The following CALD1 variants were observed in gnomAD, a reference collection of about 807,000 sequenced individuals.
CALD1 encodes the protein caldesmon.
CALD1 carries 33 observed loss-of-function variants against 99.9 expected under a neutral mutation model. The observed-to-expected ratio is 0.33, with a 90% confidence interval of 0.25 to 0.44. The LOEUF is 0.44. CALD1 is among the 20% of genes least tolerant of loss of function. The pLI is 1.00. For missense variants in CALD1, 861 were observed against 962.1 expected, an observed-to-expected ratio of 0.89 and a Z score of 1.39; for synonymous variants, 310 against 325.0, an observed-to-expected ratio of 0.95 and a Z score of 0.50.
In CALD1 at chr7:134,813,280, G is replaced by A. The variant is rs536897057; in HGVS notation, c.-129-30604G>A. 1.2e-3 allele frequency among the ~76,000 whole-genome samples: 177 copies of A among 152,202 alleles called. 1 individual carries two copies. Among genetic ancestry groups the A allele is most frequent in the Non-Finnish European group, 2.1e-3 (146 of 67,996 alleles). On this transcript the variant is annotated intron_variant, in intron 1 of 14. Coordinates refer to ENST00000361675, the MANE Select transcript of CALD1 (RefSeq NM_033138.4). The stretch of plus-strand genomic sequence containing the variant: ...TTTTTGAAAGAGGGGCAGAGGATTG[G>A]AATAGGAGCTGGAGAGTTGTATGGG...
chr7:134,906,668 T>C (rs1464088185), intron 3 of CALD1, among the ~76,000 whole-genome samples: 1 of 152,248 alleles, frequency 6.6e-6, no homozygotes, highest in Admixed American at 6.5e-5. Context: ...CTATGATTTT[T>C]AGTTTTTTTA....
chr7:134,812,299 A>ATTGTT (rs3839674), intron 1 of CALD1, among the ~76,000 whole-genome samples: 86,755 of 151,644 alleles, frequency 0.57, 25,697 homozygotes, highest in East Asian at 0.95. Flanking sequence ...GTAGAAAGTT[A>ATTGTT]TTATTTTCTA....
intron 3 of CALD1, among the ~76,000 whole-genome samples, chr7:134,897,792 A>G (rs536439579): frequency 5.9e-5 from 9 of 152,018 alleles, no homozygotes; most frequent in African/African-American, 2.2e-4. Flanking sequence ...CTGCAGCCTC[A>G]ACCTCCTGGG....
chr7:134,795,015 A>G (rs1797693208), intron 1 of CALD1, among the ~76,000 whole-genome samples: 1 of 152,234 alleles, frequency 6.6e-6, no homozygotes, highest in Non-Finnish European at 1.5e-5. Flanking sequence ...AAGTCGCTGG[A>G]AGCCAGTCCA....
At chr7:134,784,266 A>G (rs1186296826) in intron 1 of CALD1, among the ~76,000 whole-genome samples, 4 of 152,224 alleles carry the variant, frequency 2.6e-5, no homozygotes, top group African/African-American at 9.6e-5. Context: ...AAACATATTA[A>G]GCAGGAATAT....
chr7:134,864,971 C>T (rs778436681), intron 2 of CALD1, among the ~76,000 whole-genome samples: 18 of 152,238 alleles, frequency 1.2e-4, no homozygotes, highest in Admixed American at 5.9e-4. Context: ...TCACTAACAT[C>T]AATACTTAGC....
At chr7:134,762,749 C>T (rs1359983012) in intron 1 of CALD1, among the ~76,000 whole-genome samples, 2 of 152,046 alleles carry the variant, frequency 1.3e-5, no homozygotes, top group African/African-American at 4.8e-5. Context: ...AGAACAGCAC[C>T]AAGGGGGACA....
intron 1 of CALD1, among the ~76,000 whole-genome samples, chr7:134,827,447 C>T (rs1345051880): frequency 7.9e-5 from 12 of 152,210 alleles, no homozygotes; most frequent in Non-Finnish European, 1.0e-4. Flanking sequence ...CTGTTATACA[C>T]GTTACCCCAT....
rs544375230 is a variant in CALD1 at position 134,949,215 on chromosome 7, C to T, written c.1795-1159C>T. ...ATCAGGAAAGGCTGAAGAGAAATCA[C>T]GAAGTCTTAGAACTGGATTGGACCT... is the stretch of plus-strand genomic sequence containing the variant. On this transcript the variant is annotated intron_variant, in intron 8 of 14. Coordinates refer to ENST00000361675, the MANE Select transcript of CALD1 (RefSeq NM_033138.4). Among the ~76,000 whole-genome samples the T allele has an allele frequency of 2.6e-4, 40 of 152,176 alleles. No individual in the cohort carries two copies. The South Asian group carries it at 2.7e-3, about 10-fold the overall frequency.
At chr7:134,878,638 T>A (rs1801459382) in intron 3 of CALD1, among the ~76,000 whole-genome samples, 2 of 152,096 alleles carry the variant, frequency 1.3e-5, no homozygotes, top group African/African-American at 4.8e-5. Flanking sequence ...AAGTATACAG[T>A]GTGAACAAAG....
At chr7:134,847,655 C>A (rs916984375) in intron 2 of CALD1, among the ~76,000 whole-genome samples, 2 of 152,172 alleles carry the variant, frequency 1.3e-5, no homozygotes, top group African/African-American at 2.4e-5. Context: ...GCTTTAGTAA[C>A]CTTGCCCAAA....
intron 2 of CALD1, among the ~76,000 whole-genome samples, chr7:134,850,119 C>T (rs1368795759): frequency 6.6e-6 from 1 of 152,174 alleles, no homozygotes; most frequent in Admixed American, 6.5e-5. Context: ...TTTGCCAAGG[C>T]ACAAGTGAAC....
intron 2 of CALD1, among the ~76,000 whole-genome samples, chr7:134,862,135 G>T (rs993357929): frequency 6.6e-6 from 1 of 152,098 alleles, no homozygotes; most frequent in Non-Finnish European, 1.5e-5. Flanking sequence ...TAATTTTTAG[G>T]ATTATTTCTT....
At chr7:134,928,239 G>A (rs1365040342) in intron 3 of CALD1, 2 of 156,156 alleles carry the variant, frequency 1.3e-5, no homozygotes, top group African/African-American at 4.8e-5. Flanking sequence ...AGACCAGCCT[G>A]GCCAGCTTGG....
intron 3 of CALD1, among the ~76,000 whole-genome samples, chr7:134,924,037 T>C (rs1230528472): frequency 6.6e-6 from 1 of 152,244 alleles, no homozygotes; most frequent in East Asian, 1.9e-4. Flanking sequence ...GTAATCATTA[T>C]GTATGTGTAT....
intron 6 of CALD1, 97 bp downstream of exon 6, chr7:134,935,862 A>T: frequency 1.7e-6 from 2 of 1,195,340 alleles, no homozygotes; most frequent in Non-Finnish European, 2.3e-6. Flanking sequence ...TTGTAACCTC[A>T]TATCCAGTGT....
intron 1 of CALD1, among the ~76,000 whole-genome samples, chr7:134,746,864 C>A (rs1585895555): frequency 6.6e-6 from 1 of 152,270 alleles, no homozygotes; most frequent in Non-Finnish European, 1.5e-5. Context: ...GAAGGTAGAA[C>A]TTGTGAGTGA....
At chr7:134,879,921 G>A (rs1310936683) in intron 3 of CALD1, among the ~76,000 whole-genome samples, 1 of 152,156 alleles carries the variant, frequency 6.6e-6, no homozygotes, top group Non-Finnish European at 1.5e-5. Context: ...TCTCAGTAAA[G>A]TACACATCGG....
chr7:134,853,236 T>A (rs1020976848), intron 2 of CALD1, among the ~76,000 whole-genome samples: 1 of 152,184 alleles, frequency 6.6e-6, no homozygotes, highest in Non-Finnish European at 1.5e-5. Context: ...ATCCCTCAAA[T>A]CTGACTAGTT....
Sources: gnomAD v4.1 joint callset for allele counts (sites outside exome capture counted in the v4.1 genomes callset) on GRCh38, gnomAD v4.1.1 for gene constraint, MANE v1.5 for transcripts, NCBI Gene and HGNC (gene_info 2026-07-23, HGNC 2026-07-21) for gene names.